Variants in CMSS1 observed in about 807,000 individuals in gnomAD.
CMSS1 encodes protein CMSS1.
CMSS1 carries 33 observed loss-of-function variants against 43.5 expected under a neutral mutation model. The observed-to-expected ratio is 0.76, with a 90% CI of 0.57 to 1.01. The LOEUF is 1.01. Among genes scored for constraint, CMSS1 ranks in the 50% least tolerant of loss-of-function variants. The probability of loss-of-function intolerance (pLI) is 0.00; values close to 1 mark genes in which losing one functional copy is unlikely to be tolerated. For synonymous variants in CMSS1, 115 were observed against 117.2 expected (o/e 0.98, Z 0.12); for missense variants, 313 against 326.4 (o/e 0.96, Z 0.32).
intron 1 of CMSS1, among the ~76,000 whole-genome samples, chr3:100,104,860 T>C (rs1401032099): frequency 6.6e-6 from 1 of 152,204 alleles, no homozygotes; most frequent in African/African-American, 2.4e-5. Flanking sequence ...GCTAGCTCAA[T>C]ATCTAGCTAT....
At chr3:99,869,802 C>T (rs970251649) in intron 1 of CMSS1, among the ~76,000 whole-genome samples, 5 of 152,134 alleles carry the variant, frequency 3.3e-5, no homozygotes, top group African/African-American at 1.2e-4. Context: ...AAGAGAAAAA[C>T]ATATTTCACC....
intron 1 of CMSS1, among the ~76,000 whole-genome samples, chr3:100,084,208 G>A (rs1356278288): frequency 6.6e-6 from 1 of 152,078 alleles, no homozygotes; most frequent in Non-Finnish European, 1.5e-5. Flanking sequence ...GTTATTTCAT[G>A]TACATGTTTA....
chr3:99,971,070 G>A (rs1046446624), intron 1 of CMSS1, among the ~76,000 whole-genome samples: 1 of 152,196 alleles, frequency 6.6e-6, no homozygotes, highest in Non-Finnish European at 1.5e-5. Context: ...GGGCGTGGTG[G>A]CTCACGCCTG....
At chr3:99,953,579 G>T (rs909676222) in intron 1 of CMSS1, among the ~76,000 whole-genome samples, 4 of 152,154 alleles carry the variant, frequency 2.6e-5, no homozygotes, top group African/African-American at 9.7e-5. Flanking sequence ...CATTTTTAAA[G>T]AATTCAATAA....
intron 1 of CMSS1, among the ~76,000 whole-genome samples, chr3:99,868,146 C>T (rs1024050936): frequency 2.0e-5 from 3 of 152,136 alleles, no homozygotes; most frequent in South Asian, 2.1e-4. Flanking sequence ...CAGCTCTCTT[C>T]GGTCCTTTAC....
chr3:99,960,338 A>G (rs1340646376), intron 1 of CMSS1, among the ~76,000 whole-genome samples: 1 of 152,152 alleles, frequency 6.6e-6, no homozygotes, highest in Non-Finnish European at 1.5e-5. Context: ...GGGCTCCAAA[A>G]AGTTAAGTGG....
At position 99,852,696 on chromosome 3, in the gene CMSS1, G is replaced by A. The variant is rs1029011576; in HGVS notation, c.64+34653G>A. On this transcript the variant is annotated intron_variant, in intron 1 of 9. Transcript: ENST00000421999. ...CCTGACCTTGTGATCCACCTGCCTC[G>A]GCCTCCCAAAGTGCTGAGATAACAG... is the stretch of plus-strand genomic sequence containing the variant. Among the ~76,000 whole-genome samples the A allele has an allele frequency of 3.8e-4, 58 of 152,098 alleles. 1 individual carries two copies. Among genetic ancestry groups the A allele is most frequent in the African/African-American group, 1.4e-3 (57 of 41,502 alleles).
At chr3:100,054,593 T>A (rs1319709798) in intron 1 of CMSS1, among the ~76,000 whole-genome samples, 1 of 152,116 alleles carries the variant, frequency 6.6e-6, no homozygotes, top group African/African-American at 2.4e-5. Flanking sequence ...AACTATCCAC[T>A]CCTGGCCCAG....
At chr3:99,874,385 A>G (rs1364313683) in intron 1 of CMSS1, 2 of 152,168 alleles carry the variant, frequency 1.3e-5, no homozygotes, top group African/African-American at 2.4e-5. Flanking sequence ...TCAGTTTCCA[A>G]TTACCGCTTA....
intron 1 of CMSS1, among the ~76,000 whole-genome samples, chr3:99,839,958 G>A (rs1182016489): frequency 6.6e-6 from 1 of 152,132 alleles, no homozygotes; most frequent in Admixed American, 6.6e-5. Context: ...CTTTAATGTG[G>A]TGATTTTTAA....
At chr3:99,954,010 C>A (rs927892010) in intron 1 of CMSS1, among the ~76,000 whole-genome samples, 1 of 152,180 alleles carries the variant, frequency 6.6e-6, no homozygotes, top group Non-Finnish European at 1.5e-5. Flanking sequence ...TTTTGTTGCA[C>A]CCTTAAGAGA....
intron 1 of CMSS1, among the ~76,000 whole-genome samples, chr3:100,025,991 A>G (rs2064913496): frequency 1.3e-5 from 2 of 152,130 alleles, no homozygotes; most frequent in African/African-American, 4.8e-5. Flanking sequence ...CAAGTACCTT[A>G]CCTCGCTCCC....
intron 1 of CMSS1, among the ~76,000 whole-genome samples, chr3:100,089,299 GTTGCATT>G (rs1262609760): frequency 2.6e-5 from 4 of 152,050 alleles, no homozygotes; most frequent in Non-Finnish European, 5.9e-5. Context: ...TTAGAGTTCA[GTTGCATT>G]TTCTATTACT....
intron 1 of CMSS1, among the ~76,000 whole-genome samples, chr3:99,825,695 C>T (rs914893328): frequency 1.3e-5 from 2 of 151,644 alleles, no homozygotes; most frequent in Non-Finnish European, 2.9e-5. Context: ...AAGGCCTATA[C>T]ATAACTTCCA....
chr3:99,887,679 ATATATT>A (rs1395885717), intron 1 of CMSS1, among the ~76,000 whole-genome samples: 1 of 152,212 alleles, frequency 6.6e-6, no homozygotes, highest in Non-Finnish European at 1.5e-5. Flanking sequence ...TATAAGTACA[ATATATT>A]TATATGAAAT....
At chr3:99,960,805 T>G (rs1708468051) in intron 1 of CMSS1, among the ~76,000 whole-genome samples, 1 of 152,222 alleles carries the variant, frequency 6.6e-6, no homozygotes, top group Admixed American at 6.5e-5. Flanking sequence ...TACTGTTAAT[T>G]TATGTGCCCT....
chr3:100,028,772 G>A (rs1226312974), intron 1 of CMSS1, among the ~76,000 whole-genome samples: 1 of 152,038 alleles, frequency 6.6e-6, no homozygotes, highest in Non-Finnish European at 1.5e-5. Context: ...GTCAGTTCTT[G>A]TTTTCTTAAG....
chr3:100,039,828 AC>A (rs2065172896), intron 1 of CMSS1: 1 of 148,938 alleles, frequency 6.7e-6, no homozygotes, highest in South Asian at 2.1e-4. Flanking sequence ...ATCTCGGCTC[AC>A]TGCAACCTCC....
At chr3:100,084,964 C>T (rs1393259310) in intron 1 of CMSS1, among the ~76,000 whole-genome samples, 1 of 152,318 alleles carries the variant, frequency 6.6e-6, no homozygotes, top group Non-Finnish European at 1.5e-5. Context: ...TGCAGAAACT[C>T]ATTCTCTGTC....
Sources: gnomAD v4.1 joint callset for allele counts (sites outside exome capture counted in the v4.1 genomes callset) on GRCh38, gnomAD v4.1.1 for gene constraint, MANE v1.5 for transcripts, NCBI Gene and HGNC (gene_info 2026-07-23, HGNC 2026-07-21) for gene names.